RBFOX1: variants seen among roughly 807,000 people sequenced by gnomAD.
RBFOX1 encodes RNA binding fox-1 homolog 1.
RBFOX1 carries 8 observed loss-of-function variants against 57.7 expected under a neutral mutation model. That is an observed-to-expected ratio of 0.14 (90% CI 0.08 to 0.25). The LOEUF (loss-of-function observed/expected upper bound fraction) is 0.25, where lower values mean the gene tolerates loss of function less well. RBFOX1 is among the 10% of genes least tolerant of loss of function. RBFOX1 has a pLI of 1.00. For synonymous variants in RBFOX1, 326 were observed against 222.4 expected, an observed-to-expected ratio of 1.47 and a Z score of -4.15; for missense variants, 611 against 548.5, an observed-to-expected ratio of 1.11 and a Z score of -1.14.
intron 13 of RBFOX1, among the ~76,000 whole-genome samples, chr16:7,666,024 G>A (rs2069147815): frequency 6.6e-6 from 1 of 152,132 alleles, no homozygotes; most frequent in South Asian, 2.1e-4. Flanking sequence ...GTAATAAAAT[G>A]AGTGAACAAC....
At chr16:5,338,689 G>T (rs959765052) in intron 1 of RBFOX1, among the ~76,000 whole-genome samples, 1 of 152,154 alleles carries the variant, frequency 6.6e-6, no homozygotes, top group Non-Finnish European at 1.5e-5. Flanking sequence ...CACCCAGCCA[G>T]AATCTATCAC....
chr16:5,983,831 T>TTCCCTCCC (rs71142661), intron 4 of RBFOX1, among the ~76,000 whole-genome samples: 4 of 149,522 alleles, frequency 2.7e-5, no homozygotes, highest in African/African-American at 4.9e-5. Context: ...TCAGGCGTTC[T>TTCCCTCCC]TCCCTCCCTC....
intron 3 of RBFOX1, among the ~76,000 whole-genome samples, chr16:6,827,200 G>T (rs1236488322): frequency 9.8e-6 from 1 of 102,104 alleles, no homozygotes; most frequent in Non-Finnish European, 1.9e-5. Flanking sequence ...TATTAGAGGT[G>T]TGTTTTTTTT....
chr16:6,855,519 G>A (rs1177962905), intron 3 of RBFOX1, among the ~76,000 whole-genome samples: 2 of 151,968 alleles, frequency 1.3e-5, no homozygotes, highest in African/African-American at 2.4e-5. Flanking sequence ...TGGGGGCGAT[G>A]GCAGGTGCCT....
rs182765106 is a variant in RBFOX1 at position 5,335,902 on chromosome 16, A to G, written c.219+95797A>G. Among the ~76,000 whole-genome samples, 10 of 152,278 alleles carry G rather than the reference A, an allele frequency of 6.6e-5. No homozygotes were observed. In the East Asian group the frequency reaches 1.7e-3, roughly 26 times the overall value. ...CATGGTGATGGTAATTATACCTGCC[A>G]TATATGGATTCTGTGAGCCAGGTAC... On this transcript the variant is annotated intron_variant, in intron 1 of 2. Coordinates refer to the RBFOX1 transcript ENST00000585867.
In RBFOX1 at chr16:6,234,919, G is replaced by T. The variant is rs1347663239; in HGVS notation, c.-126-82076G>T. Among the ~76,000 whole-genome samples the T allele has an allele frequency of 3.9e-5, 6 of 152,136 alleles. No individual in the cohort carries two copies. In the East Asian group the frequency reaches 9.6e-4, roughly 24 times the overall value. On this transcript the variant is annotated intron_variant, in intron 1 of 15. Transcript: ENST00000550418. ...TGTTTGGATATTTGGTTACAGGTTTGGAAAATGTTTCCATTGGGGGAAACT... is the reference window on the plus strand; with the variant it reads ...TGTTTGGATATTTGGTTACAGGTTTTGAAAATGTTTCCATTGGGGGAAACT...
At chr16:7,127,199 T>C (rs1443166346) in intron 4 of RBFOX1, among the ~76,000 whole-genome samples, 1 of 152,124 alleles carries the variant, frequency 6.6e-6, no homozygotes, top group Non-Finnish European at 1.5e-5. Context: ...TAGCCACAAA[T>C]GCCTCCGAAA....
At chr16:6,242,608 G>C (rs988813779) in intron 1 of RBFOX1, among the ~76,000 whole-genome samples, 1 of 140,000 alleles carries the variant, frequency 7.1e-6, no homozygotes, top group African/African-American at 2.7e-5. Flanking sequence ...CGTTCAGTTT[G>C]AGAGAGGATA....
At chr16:7,328,282 C>G (rs1346955126) in intron 4 of RBFOX1, among the ~76,000 whole-genome samples, 1 of 151,928 alleles carries the variant, frequency 6.6e-6, no homozygotes, top group South Asian at 2.1e-4. Context: ...GAGTTCAAGA[C>G]AATCCTGGCC....
At chr16:7,120,852 C>CACAG (rs1567337175) in intron 4 of RBFOX1, among the ~76,000 whole-genome samples, 1 of 150,256 alleles carries the variant, frequency 6.7e-6, no homozygotes, top group Non-Finnish European at 1.5e-5. Context: ...CACACACACA[C>CACAG]ACACACATAC....
chr16:6,503,937 A>T (rs1188436891), intron 2 of RBFOX1, among the ~76,000 whole-genome samples: 1 of 152,232 alleles, frequency 6.6e-6, no homozygotes, highest in East Asian at 1.9e-4. Flanking sequence ...CCGGACCTTC[A>T]TCCCTAAATC....
At chr16:7,033,929 G>A (rs2043506119) in intron 3 of RBFOX1, among the ~76,000 whole-genome samples, 2 of 152,224 alleles carry the variant, frequency 1.3e-5, no homozygotes, top group African/African-American at 4.8e-5. Context: ...TGATTGCACT[G>A]CTGCATTTCA....
At chr16:6,365,964 C>T (rs1375658596) in intron 2 of RBFOX1, among the ~76,000 whole-genome samples, 7 of 151,620 alleles carry the variant, frequency 4.6e-5, no homozygotes, top group Non-Finnish European at 7.4e-5. Flanking sequence ...TTTACTTTCC[C>T]CTCCTTCTCT....
chr16:7,628,619 C>G (rs912829089), intron 10 of RBFOX1, among the ~76,000 whole-genome samples: 6 of 149,868 alleles, frequency 4.0e-5, no homozygotes, highest in Non-Finnish European at 5.9e-5. Context: ...TTGTGATAAA[C>G]TTTTTTTTTT....
chr16:7,654,818 C>A (rs923402638), intron 12 of RBFOX1, among the ~76,000 whole-genome samples: 1 of 152,144 alleles, frequency 6.6e-6, no homozygotes, highest in Non-Finnish European at 1.5e-5. Context: ...TTTTGGTTGT[C>A]ACAACAGGAA....
chr16:7,194,342 A>T (rs1388836205), intron 4 of RBFOX1, among the ~76,000 whole-genome samples: 3 of 152,238 alleles, frequency 2.0e-5, no homozygotes, highest in Non-Finnish European at 4.4e-5. Context: ...ACTGATATCC[A>T]GTTGCCTTTT....
At chr16:6,992,254 C>A (rs1010738419) in intron 3 of RBFOX1, among the ~76,000 whole-genome samples, 1 of 151,628 alleles carries the variant, frequency 6.6e-6, no homozygotes, top group East Asian at 1.9e-4. Context: ...GCCTCTGCCT[C>A]CCGGATTCAA....
At chr16:6,945,324 T>C (rs1052529564) in intron 3 of RBFOX1, among the ~76,000 whole-genome samples, 2 of 152,106 alleles carry the variant, frequency 1.3e-5, no homozygotes, top group Non-Finnish European at 2.9e-5. Context: ...ACGCAGATGC[T>C]TACCTAGGGC....
chr16:5,986,851 T>C (rs977367025), intron 4 of RBFOX1, among the ~76,000 whole-genome samples: 2 of 152,188 alleles, frequency 1.3e-5, no homozygotes, highest in African/African-American at 4.8e-5. Context: ...CAGGGTGTTG[T>C]GTGAATATAA....
Sources: allele counts gnomAD v4.1 joint callset (sites outside exome capture counted in the v4.1 genomes callset), GRCh38; gene constraint gnomAD v4.1.1; transcripts MANE v1.5; gene names NCBI Gene and HGNC (gene_info 2026-07-23, HGNC 2026-07-21).